Variants in CACNG4 observed in about 807,000 individuals in gnomAD.
The protein encoded by CACNG4 is voltage-dependent calcium channel gamma-4 subunit.
CACNG4 carries 8 observed loss-of-function variants against 22.9 expected under a neutral mutation model. The ratio of observed to expected loss-of-function variants is 0.35; its 90% CI spans 0.21 to 0.63. The LOEUF is 0.63. CACNG4 is among the 30% of genes least tolerant of loss of function. CACNG4 has a pLI of 0.72. For synonymous variants in CACNG4, 188 were observed against 191.9 expected, an observed-to-expected ratio of 0.98 and a Z score of 0.17; for missense variants, 357 against 455.4, an observed-to-expected ratio of 0.78 and a Z score of 1.97.
At position 67,021,200 on chromosome 17, in the gene CACNG4, TAA is replaced by T. The variant is rs35981016; in HGVS notation, c.304+2942_304+2943del. ...TGCATGACAGAGCAAGACCCCATCT[TAA>T]AAAAAAAAAAAAAGTTATTGTGGGC... On this transcript the variant is annotated intron_variant, in intron 2 of 3. Transcript: ENST00000262138. Among the ~76,000 whole-genome samples the T allele has an allele frequency of 4.1e-3, 587 of 141,992 alleles. 8 individuals carry two copies. The highest frequency in any genetic ancestry group is 0.014 in the African/African-American group (552 of 38,628). 93.2% of individuals were successfully genotyped at this position (141,992 alleles called of 152,430 possible).
At chr17:67,018,324 G>A (rs1422857450) in intron 2 of CACNG4, 52 bp downstream of exon 2, 6 of 1,419,464 alleles carry the variant, frequency 4.2e-6, no homozygotes, top group Non-Finnish European at 5.0e-6. Context: ...GGAAGGGTGG[G>A]GGAAGGCGGC....
At chr17:67,003,729 A>G (rs1342576662) in intron 1 of CACNG4, among the ~76,000 whole-genome samples, 1 of 152,170 alleles carries the variant, frequency 6.6e-6, no homozygotes, top group Admixed American at 6.5e-5. Flanking sequence ...GTCACCTGGG[A>G]GGCAAAATCA....
In CACNG4 at chr17:66,979,745, C is replaced by CTTTT. The variant is rs35942551; in HGVS notation, c.220+14633_220+14636dup. ...ACGGCCGGTGTTTGTTCTTTTCATG[C>CTTTT]TTTTTTTTTTTTTTTTTTTTTTGAG... On this transcript the variant is annotated intron_variant, in intron 1 of 3. Transcript: ENST00000262138. Among the ~76,000 whole-genome samples, 340 of 91,998 alleles carry CTTTT rather than the reference C, an allele frequency of 3.7e-3. 1 individual carries two copies. The highest frequency in any genetic ancestry group is 8.1e-3 in the East Asian group (23 of 2,832). The allele number at this position is 91,998 out of a possible 152,430, so 60.4% of individuals were successfully genotyped here.
rs762473241 is a variant in CACNG4, at chr17:67,018,259, G to C, written c.291G>C (p.Ser97=). 6.2e-7 allele frequency: 1 copy of C among 1,613,890 alleles called. No individual in the cohort carries two copies. The highest frequency in any genetic ancestry group is 1.7e-5 in the Admixed American group (1 of 60,028). The part of the protein sequence containing the change: ...PEDNDYDHDS[S]EYLLRIVRAS... ...ACAATGACTACGACCACGACAGCTC[G>C]GAGTACCTCCTCCGTGAGTGTCAGG... Residue 97 remains serine, a synonymous_variant, in exon 2 of 4, where the codon TCG becomes TCC. Coordinates refer to ENST00000262138, the MANE Select transcript of CACNG4 (RefSeq NM_014405.4).
intron 1 of CACNG4, among the ~76,000 whole-genome samples, chr17:66,997,454 T>TCA (rs2035382133): frequency 6.6e-6 from 1 of 152,146 alleles, no homozygotes; most frequent in African/African-American, 2.4e-5. Context: ...TGGCCCCTGT[T>TCA]GGACTTCTAG....
chr17:66,996,584 T>A (rs2143317705), intron 1 of CACNG4, among the ~76,000 whole-genome samples: 1 of 152,212 alleles, frequency 6.6e-6, no homozygotes, highest in East Asian at 1.9e-4. Flanking sequence ...TTTCACCATG[T>A]TGGCCAGGCT....
chr17:67,024,011 C>T (rs2035548106), intron 2 of CACNG4, among the ~76,000 whole-genome samples: 1 of 152,202 alleles, frequency 6.6e-6, no homozygotes, highest in African/African-American at 2.4e-5. Context: ...CTGAGGTGGT[C>T]ACCAAAGTCA....
intron 1 of CACNG4, among the ~76,000 whole-genome samples, chr17:66,986,416 G>C (rs551670353): frequency 6.6e-6 from 1 of 152,206 alleles, no homozygotes; most frequent in Non-Finnish European, 1.5e-5. Flanking sequence ...AGCCCGGGGG[G>C]ATGAGTCCTG....
chr17:66,998,097 C>T (rs944950774), intron 1 of CACNG4, among the ~76,000 whole-genome samples: 8 of 152,346 alleles, frequency 5.3e-5, no homozygotes, highest in South Asian at 4.1e-4. Context: ...GTTCAGGACA[C>T]GTCAGGGCTG....
At chr17:67,004,592 T>A (rs752268920) in intron 1 of CACNG4, among the ~76,000 whole-genome samples, 4 of 152,120 alleles carry the variant, frequency 2.6e-5, no homozygotes, top group Non-Finnish European at 4.4e-5. Flanking sequence ...AGACATGGAG[T>A]AGAGCCTGGG....
At position 66,972,818 on chromosome 17, in the gene CACNG4, C is replaced by T. The variant is rs7213850; in HGVS notation, c.220+7687C>T. Among the ~76,000 whole-genome samples, 1,150 of 151,880 alleles carry T rather than the reference C, an allele frequency of 7.6e-3. 14 individuals carry two copies. Among genetic ancestry groups the T allele is most frequent in the African/African-American group, 0.026 (1,093 of 41,392 alleles). Reference sequence around the variant, plus strand: ...GTGCATGCTTGTCATTCCAGCTACTCGGGAGGCTGAGGCAGGAGAATTGCT... The same window carrying T: ...GTGCATGCTTGTCATTCCAGCTACTTGGGAGGCTGAGGCAGGAGAATTGCT... On this transcript the variant is annotated intron_variant, in intron 1 of 3. Transcript: ENST00000262138.
chr17:67,013,438 A>G (rs1012469247), intron 1 of CACNG4, among the ~76,000 whole-genome samples: 4 of 152,238 alleles, frequency 2.6e-5, no homozygotes, highest in Non-Finnish European at 5.9e-5. Flanking sequence ...TCATTACTCT[A>G]TCGCTCAGAA....
At chr17:67,009,586 C>A (rs1340075634) in intron 1 of CACNG4, among the ~76,000 whole-genome samples, 4 of 152,170 alleles carry the variant, frequency 2.6e-5, no homozygotes, top group Non-Finnish European at 1.5e-5. Context: ...TATAGTGTAT[C>A]TGTAGTATAT....
At chr17:67,017,953 G>A (rs537302726) in intron 1 of CACNG4, among the ~76,000 whole-genome samples, 6 of 152,068 alleles carry the variant, frequency 3.9e-5, no homozygotes, top group South Asian at 2.1e-4. Flanking sequence ...TCTCACGTGC[G>A]TCCACCCTTG....
chr17:67,031,623 G>A lies in CACNG4; in HGVS notation c.*619G>A, dbSNP rs1350804292. 12 of 456,760 alleles carry A rather than the reference G, an allele frequency of 2.6e-5. No individual in the cohort carries two copies. The highest frequency in any genetic ancestry group is 3.3e-4 in the Middle Eastern group (1 of 3,076). 28.3% of individuals were successfully genotyped at this position (456,760 alleles called of 1,614,324 possible). The stretch of plus-strand genomic sequence containing the variant: ...GGTGCTTTGGCCTTTGCGCTGTCCC[G>A]GGGCCAGCTTCCCTCGACCTGGGGA... On this transcript the variant is annotated 3_prime_UTR_variant, in exon 4 of 4. Coordinates refer to ENST00000262138, the MANE Select transcript of CACNG4 (RefSeq NM_014405.4). This position sits in a 1 kb window ranked among gnomAD's most constrained non-coding sequence, Gnocchi z 4.0.
chr17:66,999,668 A>G (rs1379459622), intron 1 of CACNG4, among the ~76,000 whole-genome samples: 1 of 152,162 alleles, frequency 6.6e-6, no homozygotes, highest in Non-Finnish European at 1.5e-5. Flanking sequence ...AACTGCCCCC[A>G]TGATCCAATC....
chr17:67,024,840 C>T lies in CACNG4; in HGVS notation c.305-20C>T, dbSNP rs370110249. On this transcript the variant is annotated intron_variant, in intron 2 of 3. Coordinates refer to ENST00000262138, the MANE Select transcript of CACNG4 (RefSeq NM_014405.4). ...TGATCTCACTGCCCTCTGCTTTGTG[C>T]CCCCCACCTCCCCGGCCAGGCATCG... 22 of 1,514,692 alleles carry T rather than the reference C, an allele frequency of 1.5e-5. No homozygotes were observed. Among genetic ancestry groups the T allele is most frequent in the East Asian group, 7.4e-5 (3 of 40,308 alleles). 93.8% of individuals were successfully genotyped at this position (1,514,692 alleles called of 1,614,324 possible). A position where few individuals can be genotyped will look rare whatever the true frequency, so the allele number is the denominator to read the frequency against.
At chr17:67,018,595 G>C (rs891476282) in intron 2 of CACNG4, among the ~76,000 whole-genome samples, 3 of 152,170 alleles carry the variant, frequency 2.0e-5, no homozygotes, top group Non-Finnish European at 4.4e-5. Flanking sequence ...CTGGAGCTGG[G>C]GCTGGAGCAA....
intron 1 of CACNG4, among the ~76,000 whole-genome samples, chr17:66,998,242 AGAT>A (rs2035386840): frequency 6.6e-6 from 1 of 152,130 alleles, no homozygotes; most frequent in Non-Finnish European, 1.5e-5. Flanking sequence ...ATTTTTAAAG[AGAT>A]GGAGTCTTGC....
Sources: gnomAD v4.1 joint callset for allele counts (sites outside exome capture counted in the v4.1 genomes callset) on GRCh38, gnomAD v4.1.1 for gene constraint, Gnocchi (gnomAD v3.1) non-coding constraint, MANE v1.5 for transcripts, NCBI Gene and HGNC (gene_info 2026-07-23, HGNC 2026-07-21) for gene names.